The following SPTA1 variants were observed in gnomAD, a reference collection of about 807,000 sequenced individuals.
SPTA1 encodes spectrin alpha chain, erythrocytic 1.
Under a neutral mutation model 324.7 loss-of-function variants are expected in SPTA1, and 177 were observed. The ratio of observed to expected loss-of-function variants is 0.55; its 90% confidence interval spans 0.48 to 0.62. SPTA1 has a LOEUF of 0.62. SPTA1 is among the 20% of genes least tolerant of loss of function. The pLI is 0.00. For synonymous variants in SPTA1, 1,195 were observed against 1,041.3 expected (o/e 1.15, Z -2.84); for missense variants, 3,162 against 2,883.6 (o/e 1.10, Z -2.21).
chr1:158,655,756 T>A (rs1451505776), intron 20 of SPTA1, among the ~76,000 whole-genome samples: 3 of 152,194 alleles, frequency 2.0e-5, no homozygotes, highest in Non-Finnish European at 4.4e-5. Context: ...ATAACATTTA[T>A]TTGATTCCAG....
chr1:158,683,483 T>C lies in SPTA1; in HGVS notation c.278A>G (p.Lys93Arg), dbSNP rs1167438530. The change falls in exon 3 of 52, where the codon AAG becomes AGG. Residue 93 changes from lysine to arginine, a missense_variant. Transcript: ENST00000643759. ...CACCTCTGCTTCAAGGGATTGATGC[T>C]TCTGATATTTCCCCTAAAGTTTAGA... ...DPTNIQGKYQ[K>R]HQSLEAEVQT... The C allele has an allele frequency of 6.2e-7, 1 of 1,613,166 alleles. No homozygotes were observed.
In SPTA1 at chr1:158,647,568, C is replaced by T; in HGVS notation, c.3867G>A (p.Gln1289=). Residue 1289 remains glutamine (Q), a synonymous_variant, in exon 27 of 52, where the codon CAG becomes CAA. Coordinates refer to ENST00000643759, the MANE Select transcript of SPTA1 (RefSeq NM_003126.4). ...KDRKESLNEA[Q]KFYLFLSKAR... Reference sequence around the variant, plus strand: ...CCTTGCTGAGGAACAGGTAGAATTTCTGGGCCTCATTTAGGCTCTCCTTAC... The same window carrying T: ...CCTTGCTGAGGAACAGGTAGAATTTTTGGGCCTCATTTAGGCTCTCCTTAC... 1 of 1,613,668 alleles carries T rather than the reference C, an allele frequency of 6.2e-7. No homozygotes were observed.
In SPTA1 at chr1:158,685,123, G is replaced by A; in HGVS notation, c.249C>T (p.Asp83=). 1 of 1,613,594 alleles carries A rather than the reference G, an allele frequency of 6.2e-7. No homozygotes were observed. Among genetic ancestry groups the A allele is most frequent in the Non-Finnish European group, 8.5e-7 (1 of 1,179,742 alleles). Reference sequence around the variant, plus strand: ...ACTGAGTGACCTGTATATTAGTTGGGTCTTCATAGCTCTTATCGGTTAAGA... The same window carrying A: ...ACTGAGTGACCTGTATATTAGTTGGATCTTCATAGCTCTTATCGGTTAAGA... ...VNILTDKSYE[D]PTNIQGKYQK... Residue 83 remains aspartate (D), a synonymous_variant, in exon 2 of 52, where the codon GAC becomes GAT. Coordinates refer to ENST00000643759, the MANE Select transcript of SPTA1 (RefSeq NM_003126.4).
chr1:158,642,574 T>C lies in SPTA1; in HGVS notation c.4606-32A>G, dbSNP rs200250090. The C allele has an allele frequency of 5.8e-5, 94 of 1,612,334 alleles. No individual in the cohort carries two copies. The African/African-American group carries it at 9.7e-4, about 17-fold the overall frequency. ...GGAAAATGAAACAGAAATTATATTATCTTTTTATTTATGGTGACAAGATAA... is the reference window on the plus strand; with the variant it reads ...GGAAAATGAAACAGAAATTATATTACCTTTTTATTTATGGTGACAAGATAA... On this transcript the variant is annotated intron_variant, in intron 32 of 51. Coordinates refer to ENST00000643759, the MANE Select transcript of SPTA1 (RefSeq NM_003126.4).
At chr1:158,630,750 G>A (rs1459087947) in intron 39 of SPTA1, among the ~76,000 whole-genome samples, 6 of 151,790 alleles carry the variant, frequency 4.0e-5, no homozygotes, top group African/African-American at 1.5e-4. Context: ...CTAATAAGGG[G>A]TTAATCTCTA....
rs1225934656 is a variant in SPTA1 at position 158,678,417 on chromosome 1, A to G, written c.796T>C (p.Leu266=). The change falls in exon 6 of 52, where the codon TTA becomes CTA. Residue 266 remains leucine, a synonymous_variant. Transcript: ENST00000643759. ...RQKALSNAAN[L]QRFKRDVTEA... is the part of the protein sequence containing the mutation. ...GATCCATACCTTTTGAATCGTTGTA[A>G]GTTTGCAGCATTGGACAGAGCTTTC... The G allele has an allele frequency of 3.7e-6, 6 of 1,613,696 alleles. No individual in the cohort carries two copies. The highest frequency in any genetic ancestry group is 5.1e-6 in the Non-Finnish European group (6 of 1,179,698).
intron 48 of SPTA1, 124 bp from the exon 49 acceptor site, chr1:158,614,430 G>A (rs749834276): frequency 5.3e-5 from 39 of 731,774 alleles, no homozygotes; most frequent in Non-Finnish European, 8.6e-5. Flanking sequence ...TCTAGTTCAA[G>A]AGTTGGCAAA....
intron 12 of SPTA1, among the ~76,000 whole-genome samples, chr1:158,670,316 A>C (rs546696375): frequency 1.2e-3 from 188 of 152,346 alleles, no homozygotes; most frequent in Non-Finnish European, 2.2e-3. Flanking sequence ...AAATTGCTAG[A>C]GCTCAGAATT....
intron 29 of SPTA1, among the ~76,000 whole-genome samples, 163 bp downstream of exon 29, chr1:158,645,025 A>G (rs550480859): frequency 1.3e-5 from 2 of 152,306 alleles, no homozygotes; most frequent in Admixed American, 6.5e-5. Flanking sequence ...TATGACAATG[A>G]TCGGTATAGA....
chr1:158,626,829 C>G lies in SPTA1; in HGVS notation c.5833+10G>C. 1.9e-6 allele frequency: 3 copies of G among 1,613,476 alleles called. No homozygotes were observed. In the Admixed American group the frequency reaches 5.0e-5, roughly 27 times the overall value. On this transcript the variant is annotated intron_variant, in intron 41 of 51. Transcript: ENST00000643759. Reference sequence around the variant, plus strand: ...CAAACCCAAGGGACCCTGAACCTGACACATCATACCTATCCAAGCCTCTAC... The same window carrying G: ...CAAACCCAAGGGACCCTGAACCTGAGACATCATACCTATCCAAGCCTCTAC...
intron 39 of SPTA1, among the ~76,000 whole-genome samples, chr1:158,634,071 T>C (rs2101801089): frequency 6.6e-6 from 1 of 152,338 alleles, no homozygotes; most frequent in African/African-American, 2.4e-5. Context: ...AACCCAATCC[T>C]GCATTTAAAA....
intron 43 of SPTA1, among the ~76,000 whole-genome samples, chr1:158,622,139 T>C (rs1177533697): frequency 6.6e-6 from 1 of 152,220 alleles, no homozygotes; most frequent in Non-Finnish European, 1.5e-5. Context: ...GCTGGGATTA[T>C]AGGCGTGAGC....
At chr1:158,669,323 G>T (rs766791210) in intron 14 of SPTA1, 85 bp downstream of exon 14, 2 of 1,581,548 alleles carry the variant, frequency 1.3e-6, no homozygotes, top group Non-Finnish European at 1.7e-6. Context: ...CCAGCTGAAC[G>T]CTAAAGTTCA....
At chr1:158,661,459 G>A (rs753088242) in intron 17 of SPTA1, 50 bp from the exon 18 acceptor site, 1 of 1,612,294 alleles carries the variant, frequency 6.2e-7, no homozygotes, top group Admixed American at 1.7e-5. Flanking sequence ...GTGTATGGAA[G>A]TAGCATACCT....
In SPTA1 at chr1:158,685,138, A is replaced by G. The variant is rs1286994406; in HGVS notation, c.234T>C (p.Asp78=). 15 of 1,613,568 alleles carry G rather than the reference A, an allele frequency of 9.3e-6. No homozygotes were observed. Among genetic ancestry groups the G allele is most frequent in the Non-Finnish European group, 1.2e-5 (14 of 1,179,786 alleles). The change falls in exon 2 of 52, where the codon GAT becomes GAC. Residue 78 remains aspartate, a synonymous_variant. Transcript: ENST00000643759. ...WIMEKVNILT[D]KSYEDPTNIQ... The stretch of plus-strand genomic sequence containing the variant: ...TATTAGTTGGGTCTTCATAGCTCTT[A>G]TCGGTTAAGATATTGACTTTCTCCA...
At position 158,635,900 on chromosome 1, in the gene SPTA1, G is replaced by A. The variant is rs1201955965; in HGVS notation, c.5432+13C>T. On this transcript the variant is annotated intron_variant, in intron 38 of 51. Transcript: ENST00000643759. Reference sequence around the variant, plus strand: ...ATCCAGGAAGGGAACTGGGCCTTCTGTATCCCACTCACCGGGCCTTGGCCA... The same window carrying A: ...ATCCAGGAAGGGAACTGGGCCTTCTATATCCCACTCACCGGGCCTTGGCCA... The A allele has an allele frequency of 6.2e-7, 1 of 1,614,132 alleles. No homozygotes were observed.
chr1:158,652,333 C>A, intron 23 of SPTA1, 134 bp downstream of exon 23: 1 of 1,008,126 alleles, frequency 9.9e-7, no homozygotes, highest in South Asian at 1.4e-5. Context: ...AGAGGGAGAT[C>A]TCAGCCACAG....
intron 14 of SPTA1, 115 bp downstream of exon 14, chr1:158,669,293 C>T: frequency 7.2e-7 from 1 of 1,395,508 alleles, no homozygotes; most frequent in Non-Finnish European, 1.0e-6. Context: ...TCTGTTTTGT[C>T]ATCTATAAAA....
At chr1:158,637,457 A>G (rs1367453738) in intron 36 of SPTA1, among the ~76,000 whole-genome samples, 1 of 152,242 alleles carries the variant, frequency 6.6e-6, no homozygotes, top group Non-Finnish European at 1.5e-5. Context: ...GATTTTCCAA[A>G]TCATATTTTA....
Sources: allele counts gnomAD v4.1 joint callset (sites outside exome capture counted in the v4.1 genomes callset), GRCh38; gene constraint gnomAD v4.1.1; transcripts MANE v1.5; gene names NCBI Gene and HGNC (gene_info 2026-07-23, HGNC 2026-07-21).